Variants in CDC45 observed in about 807,000 individuals in gnomAD.
CDC45 encodes the protein cell division control protein 45 homolog.
A neutral mutation model predicts 77.8 loss-of-function variants in CDC45; 54 were observed. The ratio of observed to expected loss-of-function variants is 0.69; its 90% CI spans 0.56 to 0.87. The LOEUF is 0.87. CDC45 is among the 40% of genes least tolerant of loss of function. The probability of loss-of-function intolerance (pLI) is 0.00; values close to 1 mark genes in which losing one functional copy is unlikely to be tolerated. For synonymous variants in CDC45, 260 were observed against 272.1 expected (o/e 0.96, Z 0.44); for missense variants, 649 against 721.6 (o/e 0.90, Z 1.15).
chr22:19,508,671 G>T lies in CDC45; in HGVS notation c.1197G>T (p.Gln399His), dbSNP rs770596916. ...KDGSGTDHFI[Q>H]ALDSLSRSNL... ...GCTCAGGGACAGATCACTTCATCCA[G>T]GCTCTGGACAGCCTCTCCAGGTAGC... The change falls in exon 13 of 19, where the codon CAG becomes CAT. Residue 399 changes from glutamine (Q) to histidine (H), a missense_variant. Gln to His is a conservative substitution (Grantham distance 24). Transcript: ENST00000263201. 1.2e-6 allele frequency: 2 copies of T among 1,614,170 alleles called. No individual in the cohort carries two copies. Among genetic ancestry groups the T allele is most frequent in the East Asian group, 4.5e-5 (2 of 44,876 alleles).
chr22:19,486,442 C>G (rs2090068495), intron 5 of CDC45, among the ~76,000 whole-genome samples: 1 of 152,074 alleles, frequency 6.6e-6, no homozygotes, highest in Admixed American at 6.6e-5. Flanking sequence ...AGAACCATAC[C>G]TTACCTCTTT....
At chr22:19,491,301 T>G (rs1312973357) in intron 5 of CDC45, among the ~76,000 whole-genome samples, 1 of 152,188 alleles carries the variant, frequency 6.6e-6, no homozygotes, top group East Asian at 1.9e-4. Context: ...TACTGTATTT[T>G]TTTCTTCCTT....
At chr22:19,501,099 G>A (rs1377211574) in intron 9 of CDC45, among the ~76,000 whole-genome samples, 2 of 152,182 alleles carry the variant, frequency 1.3e-5, no homozygotes, top group African/African-American at 4.8e-5. Context: ...GGAATCGCTT[G>A]AACCCAGGAG....
At chr22:19,497,497 G>T in intron 8 of CDC45, 50 bp downstream of exon 8, 1 of 1,498,030 alleles carries the variant, frequency 6.7e-7, no homozygotes, top group Non-Finnish European at 9.3e-7. Context: ...GCCTTGGTCA[G>T]TGCCACATAA....
chr22:19,503,430 C>T (rs1323767494), intron 9 of CDC45, among the ~76,000 whole-genome samples: 1 of 152,134 alleles, frequency 6.6e-6, no homozygotes, highest in African/African-American at 2.4e-5. Context: ...TCATACTTGC[C>T]CCTGTCAGCC....
intron 12 of CDC45, among the ~76,000 whole-genome samples, chr22:19,508,312 G>A (rs1192248614): frequency 2.6e-5 from 4 of 152,172 alleles, no homozygotes; most frequent in Non-Finnish European, 1.5e-5. Context: ...CACCCCCTAA[G>A]CCAGCCATAA....
intron 9 of CDC45, among the ~76,000 whole-genome samples, chr22:19,503,552 C>A (rs1229299133): frequency 2.0e-5 from 3 of 152,190 alleles, no homozygotes; most frequent in Non-Finnish European, 4.4e-5. Context: ...GTTAGGCCTG[C>A]TGAGCTGCTG....
rs1413164635 is a variant in CDC45, at chr22:19,505,433, A to C, written c.776A>C (p.Glu259Ala). 6.2e-7 allele frequency: 1 copy of C among 1,613,854 alleles called. No homozygotes were observed. Among genetic ancestry groups the C allele is most frequent in the Non-Finnish European group, 8.5e-7 (1 of 1,179,870 alleles). The stretch of plus-strand genomic sequence containing the variant: ...CGCCACAACCACCGGAACGAGGATG[A>C]GGAGAACACACTCTCCGTGGACTGC... ...VSRHNHRNED[E>A]ENTLSVDCTR... The change falls in exon 10 of 19, where the codon GAG becomes GCG. Residue 259 changes from glutamate (E) to alanine (A), a missense_variant. By Grantham distance (107) the Glu-to-Ala change is moderately radical (BLOSUM62 -1). Coordinates refer to ENST00000263201, the MANE Select transcript of CDC45 (RefSeq NM_003504.5).
At chr22:19,481,531 A>T (rs1239325411) in intron 3 of CDC45, among the ~76,000 whole-genome samples, 1 of 151,826 alleles carries the variant, frequency 6.6e-6, no homozygotes, top group Admixed American at 6.6e-5. Flanking sequence ...GGCACCCGCC[A>T]CCACACCTGG....
intron 18 of CDC45, 116 bp downstream of exon 18, chr22:19,519,025 G>A: frequency 2.5e-6 from 2 of 798,752 alleles, no homozygotes; most frequent in East Asian, 2.4e-5. Flanking sequence ...GACCGAAGCA[G>A]GGTTCTTGAG....
At chr22:19,491,209 A>AT in intron 5 of CDC45, among the ~76,000 whole-genome samples, 1 of 152,244 alleles carries the variant, frequency 6.6e-6, no homozygotes, top group South Asian at 2.1e-4. Flanking sequence ...CAGTGTTATA[A>AT]TTTTTGCTTC....
intron 9 of CDC45, among the ~76,000 whole-genome samples, chr22:19,501,760 G>C (rs1363871274): frequency 6.6e-6 from 1 of 152,062 alleles, no homozygotes; most frequent in Admixed American, 6.6e-5. Flanking sequence ...TGTCTCACAG[G>C]CTGGAGTGTG....
In CDC45 at chr22:19,480,082, A is replaced by C. The variant is rs1172891959; in HGVS notation, c.51+63A>C. On this transcript the variant is annotated intron_variant, in intron 1 of 18. Transcript: ENST00000263201. Reference sequence around the variant, plus strand: ...GGTGGGGAAGGGATGAGGGGGAGCGACCGTGGGTGACCGGGAGGCAGGGGA... The same window carrying C: ...GGTGGGGAAGGGATGAGGGGGAGCGCCCGTGGGTGACCGGGAGGCAGGGGA... 5 of 1,611,778 alleles carry C rather than the reference A, an allele frequency of 3.1e-6. No individual in the cohort carries two copies. In the Admixed American group the frequency reaches 8.3e-5, roughly 27 times the overall value.
chr22:19,497,533 G>T (rs2090264666), intron 8 of CDC45, 86 bp downstream of exon 8: 3 of 1,134,432 alleles, frequency 2.6e-6, no homozygotes, highest in East Asian at 2.3e-5. Flanking sequence ...CACAGGGAGG[G>T]TGTTTCCCTT....
rs778364933 is a variant in CDC45, at chr22:19,505,415, A to T, written c.758A>T (p.Asn253Ile). Residue 253 changes from asparagine to isoleucine, a missense_variant, in exon 10 of 19, where the codon AAC becomes ATC. By Grantham distance (149) the Asn-to-Ile change is moderately radical. Coordinates refer to ENST00000263201, the MANE Select transcript of CDC45 (RefSeq NM_003504.5). The stretch of plus-strand genomic sequence containing the variant: ...CTGCAGCGCCACGTTTCCCGCCACA[A>T]CCACCGGAACGAGGATGAGGAGAAC... The part of the protein sequence containing the change: ...GVLQRHVSRH[N>I]HRNEDEENTL... The T allele has an allele frequency of 6.2e-7, 1 of 1,614,062 alleles. No individual in the cohort carries two copies. The highest frequency in any genetic ancestry group is 2.2e-5 in the East Asian group (1 of 44,884).
chr22:19,480,072 A>C, intron 1 of CDC45, 53 bp downstream of exon 1: 1 of 1,610,496 alleles, frequency 6.2e-7, no homozygotes, highest in Non-Finnish European at 8.5e-7. Context: ...GGAAGGGATG[A>C]GGGGGAGCGA....
intron 9 of CDC45, among the ~76,000 whole-genome samples, chr22:19,504,091 C>T (rs529883367): frequency 2.2e-4 from 34 of 152,332 alleles, no homozygotes; most frequent in African/African-American, 7.9e-4. Context: ...CAAATGCCCA[C>T]AAGGGGCTCG....
chr22:19,488,453 A>G (rs888428242), intron 5 of CDC45, among the ~76,000 whole-genome samples: 4 of 152,196 alleles, frequency 2.6e-5, no homozygotes, highest in Non-Finnish European at 4.4e-5. Context: ...GGGTCTCTCC[A>G]TTGAATGTGA....
intron 10 of CDC45, 112 bp from the exon 11 acceptor site, chr22:19,507,274 A>G (rs1325596089): frequency 2.3e-6 from 3 of 1,318,642 alleles, no homozygotes; most frequent in Non-Finnish European, 2.1e-6. Context: ...CTGGTTTTGC[A>G]GGCAGGCCTG....
Sources: gnomAD v4.1 joint callset for allele counts (sites outside exome capture counted in the v4.1 genomes callset) on GRCh38, gnomAD v4.1.1 for gene constraint, MANE v1.5 for transcripts, NCBI Gene and HGNC (gene_info 2026-07-23, HGNC 2026-07-21) for gene names.